Variants in AP5Z1 observed in about 807,000 individuals in gnomAD.
AP5Z1 encodes the protein adaptor related protein complex 5 subunit zeta 1.
In AP5Z1, 106 loss-of-function variants were observed where a neutral mutation model predicts 83.0. That is an observed-to-expected ratio of 1.28 (90% confidence interval 1.09 to 1.50). The LOEUF is 1.50. AP5Z1 is among the 40% of genes most tolerant of loss of function. The pLI is 0.00. For synonymous variants in AP5Z1, 751 were observed against 514.1 expected (o/e 1.46, Z -6.23); for missense variants, 1,565 against 1,094.2 (o/e 1.43, Z -6.07).
At chr7:4,787,927 T>TAGGACAG (rs1451996042) in intron 11 of AP5Z1, among the ~76,000 whole-genome samples, 151 bp downstream of exon 11, 1 of 151,864 alleles carries the variant, frequency 6.6e-6, no homozygotes, top group Non-Finnish European at 1.5e-5. Flanking sequence ...AAGCCACCTC[T>TAGGACAG]AGGACAGGGT....
rs1230017159 is a variant in AP5Z1 at position 4,791,169 on chromosome 7, C to CTCCACGCACAGCG, written c.2209_2221dup (p.Glu741ValfsTer26). On this transcript the variant is annotated frameshift_variant, in exon 17 of 17. Transcript: ENST00000649063. LOFTEE classifies it low-confidence loss of function (END_TRUNC). ...CCCTGGCTCACAGTCCAGCCACCAG[C>CTCCACGCACAGCG]TCCACGCACAGCGAGGAGGGCGCGG... The CTCCACGCACAGCG allele has an allele frequency of 3.8e-6, 6 of 1,586,744 alleles. No homozygotes were observed. Among genetic ancestry groups the CTCCACGCACAGCG allele is most frequent in the Non-Finnish European group, 5.1e-6 (6 of 1,178,566 alleles).
In AP5Z1 at chr7:4,785,646, G is replaced by C; in HGVS notation, c.1094G>C (p.Arg365Pro). 1 of 1,559,536 alleles carries C rather than the reference G, an allele frequency of 6.4e-7. No homozygotes were observed. The highest frequency in any genetic ancestry group is 1.2e-5 in the South Asian group (1 of 85,656). ...GTGCGCGGGGACCCGGCCTCTGTGC[G>C]GGTGCTGCTGCCCCTCGCCCACTTC... ...GRVRGDPASV[R>P]VLLPLAHFFL... The change falls in exon 9 of 17, where the codon CGG becomes CCG. Residue 365 changes from arginine (R) to proline (P), a missense_variant. Transcript: ENST00000649063.
chr7:4,791,796 C>T lies in AP5Z1; in HGVS notation c.*411C>T, dbSNP rs1291233846. The T allele has an allele frequency of 2.9e-5, 5 of 172,772 alleles. No homozygotes were observed. The highest frequency in any genetic ancestry group is 6.0e-5 in the Admixed American group (1 of 16,742). 10.7% of individuals were successfully genotyped at this position (172,772 alleles called of 1,614,324 possible). On this transcript the variant is annotated 3_prime_UTR_variant, in exon 17 of 17. Transcript: ENST00000649063. The stretch of plus-strand genomic sequence containing the variant: ...GTGCGCGATCAGTTCCGTTACCTGC[C>T]CTGCACCCTGGGGAGAGGACCAGGG...
chr7:4,791,112 C>T lies in AP5Z1; in HGVS notation c.2154-3C>T, dbSNP rs781173170. 2.5e-6 allele frequency: 4 copies of T among 1,582,490 alleles called. No homozygotes were observed. The highest frequency in any genetic ancestry group is 1.3e-5 in the African/African-American group (1 of 74,464). On this transcript the variant is annotated splice_polypyrimidine_tract_variant and splice_region_variant and intron_variant, in intron 16 of 16. Transcript: ENST00000649063. Reference sequence around the variant, plus strand: ...AGCTGACGGAGGGACCTTCTTTCCCCAGGGCCTCTTTATTGCTGTCAAAGA... The same window carrying T: ...AGCTGACGGAGGGACCTTCTTTCCCTAGGGCCTCTTTATTGCTGTCAAAGA...
At chr7:4,788,087 C>A in intron 11 of AP5Z1, 67 bp from the exon 12 acceptor site, 2 of 1,457,456 alleles carry the variant, frequency 1.4e-6, no homozygotes, top group Non-Finnish European at 1.8e-6. Flanking sequence ...CGTGTGTCTC[C>A]CTGACGGGGG....
chr7:4,788,962 T>A lies in AP5Z1; in HGVS notation c.1707+11T>A, dbSNP rs3750012. 3.7e-6 allele frequency: 6 copies of A among 1,606,218 alleles called. No individual in the cohort carries two copies. Among genetic ancestry groups the A allele is most frequent in the Non-Finnish European group, 5.1e-6 (6 of 1,177,254 alleles). On this transcript the variant is annotated intron_variant, in intron 13 of 16. Coordinates refer to ENST00000649063, the MANE Select transcript of AP5Z1 (RefSeq NM_014855.3). ...TCAGCAGTGACCCAGGTGAGCTCGC[T>A]GCCTGGGGCCCCCCATTCCCACAGG...
intron 1 of AP5Z1, among the ~76,000 whole-genome samples, chr7:4,777,329 A>G (rs1344655916): frequency 6.6e-6 from 1 of 152,058 alleles, no homozygotes; most frequent in East Asian, 1.9e-4. Context: ...AACTTGTGAC[A>G]TGAAAAACAA....
rs758468179 is a variant in AP5Z1 at position 4,786,276 on chromosome 7, G to A, written c.1159G>A (p.Ala387Thr). 10 of 1,611,314 alleles carry A rather than the reference G, an allele frequency of 6.2e-6. No individual in the cohort carries two copies. Among genetic ancestry groups the A allele is most frequent in the Non-Finnish European group, 8.5e-6 (10 of 1,178,366 alleles). ...HGEAAAVDSE[A>T]VYQHLFTRIP... ...GGAAGCGGCTGCAGTGGACTCGGAA[G>A]CCGTCTACCAGCACCTGTTCACCAG... Residue 387 changes from alanine to threonine, a missense_variant, in exon 10 of 17, where the codon GCC (alanine) becomes ACC (threonine). Ala to Thr is a moderately conservative substitution (Grantham distance 58). Coordinates refer to ENST00000649063, the MANE Select transcript of AP5Z1 (RefSeq NM_014855.3).
Position 4,783,466 on chromosome 7 carries a change from C to G in AP5Z1, c.511+6C>G, listed in dbSNP as rs770095188. On this transcript the variant is annotated splice_donor_region_variant and intron_variant, in intron 4 of 16. Transcript: ENST00000649063. ...CCCGGGCACCCTCCAGGAGGGTACG[C>G]GGGGCCCCTCCCAAGAGGCTGTTGG... The G allele has an allele frequency of 6.3e-7, 1 of 1,595,386 alleles. No individual in the cohort carries two copies. The highest frequency in any genetic ancestry group is 1.1e-5 in the South Asian group (1 of 90,782).
Position 4,792,729 on chromosome 7 carries a change from G to A in AP5Z1, c.*1344G>A, listed in dbSNP as rs576603024. 6.6e-6 allele frequency: 1 copy of A among 152,352 alleles called. No individual in the cohort carries two copies. The highest frequency in any genetic ancestry group is 6.5e-5 in the Admixed American group (1 of 15,306). The allele number at this position is 152,352 out of a possible 1,614,324, so 9.4% of individuals were successfully genotyped here. On this transcript the variant is annotated 3_prime_UTR_variant, in exon 17 of 17. Transcript: ENST00000649063. ...GCTGGCGCTGGCAGGCGCTTCCGTC[G>A]GCAGCACTGTGTTTGTGTTTCCACG...
chr7:4,789,555 CAA>C (rs1781679451), intron 13 of AP5Z1, among the ~76,000 whole-genome samples: 1 of 152,242 alleles, frequency 6.6e-6, no homozygotes, highest in Admixed American at 6.5e-5. Context: ...CTTGGCCAAA[CAA>C]GACGTGTGCC....
chr7:4,788,056 T>G, intron 11 of AP5Z1, 98 bp from the exon 12 acceptor site: 2 of 1,432,772 alleles, frequency 1.4e-6, no homozygotes, highest in Non-Finnish European at 1.8e-6. Context: ...CCCGAGGTGC[T>G]GTGATATTAG....
rs1781833359 is a variant in AP5Z1, at chr7:4,792,965, C to T, written c.*1580C>T. 1 of 162,792 alleles carries T rather than the reference C, an allele frequency of 6.1e-6. No individual in the cohort carries two copies. The highest frequency in any genetic ancestry group is 1.8e-4 in the East Asian group (1 of 5,556). 10.1% of individuals were successfully genotyped at this position (162,792 alleles called of 1,614,324 possible). On this transcript the variant is annotated 3_prime_UTR_variant, in exon 17 of 17. Transcript: ENST00000649063. ...CTGAGTCCGCAGCTCCCCTCCTGCC[C>T]TGGGGCGGGGCTTCCCTGACCTGAA...
rs1781492178 is a variant in AP5Z1, at chr7:4,784,947, T to C, written c.830T>C (p.Ile277Thr). 1.2e-6 allele frequency: 2 copies of C among 1,612,030 alleles called. No homozygotes were observed. Among genetic ancestry groups the C allele is most frequent in the Non-Finnish European group, 1.7e-6 (2 of 1,179,468 alleles). ...CAGGAGGGCTCCACTCTGTCGGTGATCTCCGCCACCTCCTCTGCCGGCCGC... is the reference window on the plus strand; with the variant it reads ...CAGGAGGGCTCCACTCTGTCGGTGACCTCCGCCACCTCCTCTGCCGGCCGC... ...SEQEGSTLSV[I>T]SATSSAGRLL... is the part of the protein sequence containing the mutation. Residue 277 changes from isoleucine to threonine, a missense_variant, in exon 7 of 17, where the codon ATC becomes ACC. Coordinates refer to ENST00000649063, the MANE Select transcript of AP5Z1 (RefSeq NM_014855.3).
chr7:4,790,059 C>CT (rs1191494151), intron 14 of AP5Z1, 130 bp downstream of exon 14: 14 of 1,204,840 alleles, frequency 1.2e-5, no homozygotes, highest in Non-Finnish European at 1.5e-5. Context: ...GCCTCAGACC[C>CT]TGCCACCCCC....
intron 5 of AP5Z1, among the ~76,000 whole-genome samples, 164 bp downstream of exon 5, chr7:4,783,962 A>T (rs1312913192): frequency 6.6e-6 from 1 of 151,778 alleles, no homozygotes; most frequent in African/African-American, 2.4e-5. Context: ...CAGCCCCCTG[A>T]CCCGTGTGGC....
At chr7:4,783,598 C>A (rs989049705) in intron 4 of AP5Z1, 91 bp from the exon 5 acceptor site, 1 of 1,519,232 alleles carries the variant, frequency 6.6e-7, no homozygotes, top group Non-Finnish European at 8.9e-7. Flanking sequence ...CTGCAGGATT[C>A]TGTTTTCTGA....
In AP5Z1 at chr7:4,791,575, A is replaced by G; in HGVS notation, c.*190A>G. ...GCTCACCCTCTGGGCTTTGTCTCCG[A>G]GCCTTTTGCTCCCAGGCAACACTGA... On this transcript the variant is annotated 3_prime_UTR_variant, in exon 17 of 17. Transcript: ENST00000649063. The G allele has an allele frequency of 2.4e-6, 2 of 845,506 alleles. No homozygotes were observed. Among genetic ancestry groups the G allele is most frequent in the Non-Finnish European group, 3.6e-6 (2 of 561,760 alleles). 52.4% of individuals were successfully genotyped at this position (845,506 alleles called of 1,614,324 possible).
At position 4,791,375 on chromosome 7, in the gene AP5Z1, T is replaced by C. The variant is rs1287234215; in HGVS notation, c.2414T>C (p.Met805Thr). 3.7e-6 allele frequency: 6 copies of C among 1,605,754 alleles called. No individual in the cohort carries two copies. Among genetic ancestry groups the C allele is most frequent in the Non-Finnish European group, 4.2e-6 (5 of 1,176,724 alleles). ...CTGGTGGAGAGGGAGGCCGGCCTCA[T>C]GCCAGGGTGAAGGGACAGTGGCCAG... ...SRLVEREAGL[M>T]PG is the part of the protein sequence containing the mutation. The change falls in exon 17 of 17, where the codon ATG becomes ACG. Residue 805 changes from methionine to threonine, a missense_variant. By Grantham distance (81) the Met-to-Thr change is moderately conservative. Transcript: ENST00000649063.
Sources: allele counts gnomAD v4.1 joint callset (sites outside exome capture counted in the v4.1 genomes callset), GRCh38; gene constraint gnomAD v4.1.1; transcripts MANE v1.5; gene names NCBI Gene and HGNC (gene_info 2026-07-23, HGNC 2026-07-21).